Variants in EFNA5 observed in about 807,000 individuals in gnomAD.
The protein encoded by EFNA5 is ephrin-A5.
EFNA5 carries 5 observed loss-of-function variants against 22.9 expected under a neutral mutation model. The ratio of observed to expected loss-of-function variants is 0.22; its 90% CI spans 0.11 to 0.46. The LOEUF is 0.46. Ranked by LOEUF, EFNA5 falls within the 20% of genes least tolerant of loss-of-function variation. The pLI is 0.99. For missense variants in EFNA5, 237 were observed against 293.3 expected (o/e 0.81, Z 1.40); for synonymous variants, 113 against 112.2 (o/e 1.01, Z -0.04).
chr5:107,489,009 A>C (rs1746726059), intron 1 of EFNA5, among the ~76,000 whole-genome samples: 1 of 152,152 alleles, frequency 6.6e-6, no homozygotes, highest in South Asian at 2.1e-4. Context: ...ACCTCTTTTA[A>C]GATACTGTCC....
chr5:107,634,344 T>C (rs1022468158), intron 1 of EFNA5, among the ~76,000 whole-genome samples: 4 of 152,148 alleles, frequency 2.6e-5, no homozygotes, highest in Non-Finnish European at 5.9e-5. Flanking sequence ...TAGAGAGACC[T>C]TGTCTCTACA....
intron 1 of EFNA5, among the ~76,000 whole-genome samples, chr5:107,588,143 CCAACCCA>C (rs765162318): frequency 1.3e-5 from 2 of 152,130 alleles, no homozygotes; most frequent in African/African-American, 2.4e-5. Flanking sequence ...GTTAATCAAA[CCAACCCA>C]TTATCTGGAA....
chr5:107,515,240 G>A (rs1747452017), intron 1 of EFNA5, among the ~76,000 whole-genome samples: 1 of 151,648 alleles, frequency 6.6e-6, no homozygotes, highest in South Asian at 2.1e-4. Context: ...GTTCCACCAT[G>A]TTGGCCAGGC....
chr5:107,441,140 C>T (rs1284959585), intron 1 of EFNA5, among the ~76,000 whole-genome samples: 1 of 151,910 alleles, frequency 6.6e-6, no homozygotes, highest in Non-Finnish European at 1.5e-5. Context: ...TCAGGACACT[C>T]TGTATCTGAG....
intron 1 of EFNA5, among the ~76,000 whole-genome samples, chr5:107,453,116 T>C (rs71575441): frequency 0.023 from 3,481 of 152,270 alleles, 72 homozygotes; most frequent in Admixed American, 0.033. Context: ...TAACTGGATA[T>C]TGAAATACAT....
chr5:107,612,985 A>T (rs1045150598), intron 1 of EFNA5, among the ~76,000 whole-genome samples: 5 of 152,194 alleles, frequency 3.3e-5, no homozygotes, highest in Non-Finnish European at 5.9e-5. Flanking sequence ...CTTTGGCAAA[A>T]GCCAAAAAAA....
intron 1 of EFNA5, among the ~76,000 whole-genome samples, chr5:107,668,595 G>C (rs1247086903): frequency 2.0e-5 from 3 of 152,134 alleles, no homozygotes; most frequent in Non-Finnish European, 4.4e-5. Context: ...TCACAATGTG[G>C]AGCTTGGTGT....
intron 1 of EFNA5, among the ~76,000 whole-genome samples, chr5:107,483,128 A>AT (rs1159308949): frequency 6.6e-6 from 1 of 151,888 alleles, no homozygotes; most frequent in African/African-American, 2.4e-5. Flanking sequence ...TTATCTTCTG[A>AT]TTTTTTTATA....
chr5:107,507,414 C>T (rs754887977), intron 1 of EFNA5, among the ~76,000 whole-genome samples: 9 of 152,122 alleles, frequency 5.9e-5, no homozygotes, highest in Admixed American at 2.6e-4. Context: ...TCTTTAATAA[C>T]ATCCATGTAA....
At chr5:107,593,890 A>G (rs951251501) in intron 1 of EFNA5, among the ~76,000 whole-genome samples, 1 of 152,164 alleles carries the variant, frequency 6.6e-6, no homozygotes, top group Non-Finnish European at 1.5e-5. Flanking sequence ...TCCACCTGAA[A>G]ATCCTTCTGG....
chr5:107,521,260 AGTATGTAT>A (rs939636518), intron 1 of EFNA5, among the ~76,000 whole-genome samples: 4 of 151,752 alleles, frequency 2.6e-5, no homozygotes, highest in African/African-American at 4.8e-5. Context: ...TAAACTTTAG[AGTATGTAT>A]GTATGTATGT....
chr5:107,616,705 A>G (rs1204403860), intron 1 of EFNA5, among the ~76,000 whole-genome samples: 1 of 152,194 alleles, frequency 6.6e-6, no homozygotes, highest in African/African-American at 2.4e-5. Context: ...TATAACAAGT[A>G]TCTGAACAGT....
chr5:107,652,724 C>T (rs1580583217), intron 1 of EFNA5, among the ~76,000 whole-genome samples: 1 of 152,104 alleles, frequency 6.6e-6, no homozygotes, highest in African/African-American at 2.4e-5. Context: ...AGGATGTTTA[C>T]TTTTCTAGTT....
intron 1 of EFNA5, among the ~76,000 whole-genome samples, chr5:107,453,366 T>C (rs1000688603): frequency 7.2e-5 from 11 of 152,220 alleles, no homozygotes; most frequent in African/African-American, 2.7e-4. Context: ...TTATTTCATC[T>C]GAAAAATATA....
intron 1 of EFNA5, among the ~76,000 whole-genome samples, chr5:107,588,554 C>A (rs149275034): frequency 1.3e-5 from 2 of 152,200 alleles, no homozygotes; most frequent in African/African-American, 2.4e-5. Flanking sequence ...CTATATATTA[C>A]GTGCATACAC....
At chr5:107,470,234 G>T (rs978044097) in intron 1 of EFNA5, among the ~76,000 whole-genome samples, 2 of 152,112 alleles carry the variant, frequency 1.3e-5, no homozygotes, top group African/African-American at 2.4e-5. Context: ...CAACAGTGAG[G>T]GTCCTGGGAA....
At position 107,572,933 on chromosome 5, in the gene EFNA5, C is replaced by T. The variant is rs545027605; in HGVS notation, c.125+97556G>A. The stretch of plus-strand genomic sequence containing the variant: ...CTTTGGCAGAAAATCCTATGTAATA[C>T]TGGCTTGTGTGTTAAGCTCATTCCC... On this transcript the variant is annotated intron_variant, in intron 1 of 4. Coordinates refer to ENST00000333274, the MANE Select transcript of EFNA5 (RefSeq NM_001962.3). Among the ~76,000 whole-genome samples the T allele has an allele frequency of 2.6e-5, 4 of 152,284 alleles. No homozygotes were observed. In the East Asian group the frequency reaches 7.7e-4, roughly 29 times the overall value.
intron 1 of EFNA5, among the ~76,000 whole-genome samples, chr5:107,572,877 T>C (rs1439956492): frequency 6.6e-6 from 1 of 152,202 alleles, no homozygotes; most frequent in Non-Finnish European, 1.5e-5. Context: ...TCCCTTATGA[T>C]GATTCCCTTC....
intron 1 of EFNA5, among the ~76,000 whole-genome samples, chr5:107,669,767 C>A (rs114895935): frequency 6.6e-6 from 1 of 152,128 alleles, no homozygotes; most frequent in African/African-American, 2.4e-5. Context: ...GCAGCTTGTT[C>A]TGCACACATG....
Sources: gnomAD v4.1 joint callset for allele counts (sites outside exome capture counted in the v4.1 genomes callset) on GRCh38, gnomAD v4.1.1 for gene constraint, MANE v1.5 for transcripts, NCBI Gene and HGNC (gene_info 2026-07-23, HGNC 2026-07-21) for gene names.